Variants in FAM117B observed in about 807,000 individuals in gnomAD.
FAM117B encodes the protein protein FAM117B.
FAM117B carries 22 observed loss-of-function variants against 52.8 expected under a neutral mutation model. That is an observed-to-expected ratio of 0.42 (90% CI 0.30 to 0.59). The LOEUF (loss-of-function observed/expected upper bound fraction) is 0.59, where lower values mean the gene tolerates loss of function less well. FAM117B is among the 20% of genes least tolerant of loss of function. The pLI, the probability that FAM117B is intolerant of heterozygous loss-of-function variation, is 0.22. For synonymous variants in FAM117B, 309 were observed against 324.1 expected, an observed-to-expected ratio of 0.95 and a Z score of 0.50; for missense variants, 678 against 802.6, an observed-to-expected ratio of 0.84 and a Z score of 1.88.
intron 1 of FAM117B, among the ~76,000 whole-genome samples, chr2:202,693,771 C>T (rs1024933173): frequency 6.6e-6 from 1 of 152,174 alleles, no homozygotes; most frequent in Non-Finnish European, 1.5e-5. Flanking sequence ...AATGGCCTAT[C>T]ATTACATTAT....
At chr2:202,672,570 G>A (rs75761223) in intron 1 of FAM117B, among the ~76,000 whole-genome samples, 13,686 of 152,014 alleles carry the variant, frequency 0.09, 2,073 homozygotes, top group African/African-American at 0.31. Flanking sequence ...GTAAAAATAA[G>A]GGCAAGTCAT....
intron 2 of FAM117B, among the ~76,000 whole-genome samples, chr2:202,700,568 C>A (rs1249444255): frequency 6.6e-6 from 1 of 152,106 alleles, no homozygotes; most frequent in Non-Finnish European, 1.5e-5. Context: ...ATGAAAGAAG[C>A]CATCTGCATA....
chr2:202,721,102 G>C (rs973030843), intron 2 of FAM117B, among the ~76,000 whole-genome samples: 1 of 151,866 alleles, frequency 6.6e-6, no homozygotes, highest in East Asian at 1.9e-4. Flanking sequence ...TATCTCTAAG[G>C]GTTCCTCCCC....
At chr2:202,668,079 C>A (rs1371120849) in intron 1 of FAM117B, among the ~76,000 whole-genome samples, 1 of 140,434 alleles carries the variant, frequency 7.1e-6, no homozygotes, top group Admixed American at 7.2e-5. Flanking sequence ...AAATATATAT[C>A]ATATATTTTA....
chr2:202,688,627 G>T (rs1462729025), intron 1 of FAM117B, among the ~76,000 whole-genome samples: 2 of 151,978 alleles, frequency 1.3e-5, no homozygotes, highest in Admixed American at 6.6e-5. Flanking sequence ...ATATATAAAA[G>T]AAATATAAAT....
chr2:202,673,436 T>TTTTTTTG (rs1690330063), intron 1 of FAM117B, among the ~76,000 whole-genome samples: 1 of 50,702 alleles, frequency 2.0e-5, no homozygotes, highest in African/African-American at 5.8e-5. Context: ...TTTTTCTGTT[T>TTTTTTTG]TTTTTTTTTT....
At position 202,707,874 on chromosome 2, in the gene FAM117B, T is replaced by G. The variant is rs193150540; in HGVS notation, c.753+11842T>G. 5.6e-4 allele frequency among the ~76,000 whole-genome samples: 85 copies of G among 151,400 alleles called. 1 individual carries two copies. The highest frequency in any genetic ancestry group is 5.9e-5 in the Non-Finnish European group (4 of 67,850). On this transcript the variant is annotated intron_variant, in intron 2 of 7. Coordinates refer to ENST00000392238, the MANE Select transcript of FAM117B (RefSeq NM_173511.4). ...GCCTCCGCCTCCCAGGTTCAAGCAA[T>G]CTCCTGCCTCAGCCTCCCGAGTAGC...
chr2:202,734,234 CAA>C (rs992412162), intron 4 of FAM117B, among the ~76,000 whole-genome samples: 1 of 151,998 alleles, frequency 6.6e-6, no homozygotes, highest in Non-Finnish European at 1.5e-5. Context: ...ATTAAAAAAC[CAA>C]AGTTAGCTGG....
intron 1 of FAM117B, among the ~76,000 whole-genome samples, chr2:202,669,847 T>C (rs1337496763): frequency 6.6e-6 from 1 of 152,190 alleles, no homozygotes; most frequent in African/African-American, 2.4e-5. Context: ...AGTATTTTTC[T>C]AGACTCTTGA....
intron 4 of FAM117B, among the ~76,000 whole-genome samples, chr2:202,746,312 A>G (rs1691631735): frequency 6.6e-6 from 1 of 152,172 alleles, no homozygotes; most frequent in African/African-American, 2.4e-5. Flanking sequence ...CAAGAAGGAA[A>G]TTTGGAAACT....
chr2:202,739,168 G>T (rs1195776709), intron 4 of FAM117B, among the ~76,000 whole-genome samples: 1 of 152,162 alleles, frequency 6.6e-6, no homozygotes, highest in Non-Finnish European at 1.5e-5. Context: ...CAGCCTGGAT[G>T]ACAGAGTGAG....
chr2:202,714,996 A>T (rs1250457903), intron 2 of FAM117B, among the ~76,000 whole-genome samples: 2 of 152,150 alleles, frequency 1.3e-5, no homozygotes, highest in Admixed American at 6.5e-5. Context: ...CCCCTTTTCT[A>T]TTCCACAAAA....
intron 1 of FAM117B, among the ~76,000 whole-genome samples, chr2:202,661,874 C>CCACTG (rs1259393126): frequency 1.1e-4 from 17 of 150,602 alleles, no homozygotes; most frequent in Admixed American, 5.3e-4. Context: ...CGAGATCATG[C>CCACTG]CACTGCACTG....
chr2:202,656,532 T>A (rs1690060051), intron 1 of FAM117B, among the ~76,000 whole-genome samples: 1 of 152,206 alleles, frequency 6.6e-6, no homozygotes, highest in African/African-American at 2.4e-5. Flanking sequence ...AGCTTTCTTG[T>A]ATTGATTTTT....
At chr2:202,640,293 AAAATAT>A (rs1346664747) in intron 1 of FAM117B, among the ~76,000 whole-genome samples, 814 of 61,650 alleles carry the variant, frequency 0.013, 79 homozygotes, top group East Asian at 0.03. Flanking sequence ...CCACCACCAC[AAAATAT>A]ATATATATAT....
intron 2 of FAM117B, among the ~76,000 whole-genome samples, chr2:202,706,842 T>C (rs1458230099): frequency 6.6e-6 from 1 of 152,188 alleles, no homozygotes; most frequent in African/African-American, 2.4e-5. Flanking sequence ...AAATCTTTTT[T>C]TGGGGGCCTA....
At chr2:202,635,987 G>A (rs1329643571) in intron 1 of FAM117B, among the ~76,000 whole-genome samples, 199 bp downstream of exon 1, 1 of 54,424 alleles carries the variant, frequency 1.8e-5, no homozygotes, top group Non-Finnish European at 4.0e-5. Flanking sequence ...CCGCCCGCCC[G>A]CCCGCCTCAT....
intron 1 of FAM117B, among the ~76,000 whole-genome samples, chr2:202,663,801 C>G (rs1283091319): frequency 6.6e-6 from 1 of 152,168 alleles, no homozygotes; most frequent in African/African-American, 2.4e-5. Flanking sequence ...CCAGGCTGGT[C>G]TCAAACTCCT....
chr2:202,647,483 C>T (rs540684456), intron 1 of FAM117B, among the ~76,000 whole-genome samples: 36 of 152,256 alleles, frequency 2.4e-4, no homozygotes, highest in African/African-American at 7.9e-4. Context: ...GAAATGAGCA[C>T]ACCCAGATTT....
Sources: allele counts gnomAD v4.1 joint callset (sites outside exome capture counted in the v4.1 genomes callset), GRCh38; gene constraint gnomAD v4.1.1; transcripts MANE v1.5; gene names NCBI Gene and HGNC (gene_info 2026-07-23, HGNC 2026-07-21).